RUFY4: variants seen among roughly 807,000 people sequenced by gnomAD.
RUFY4 encodes RUN and FYVE domain containing 4, also known as RUN and FYVE domain-containing protein 4.
A neutral mutation model predicts 69.0 loss-of-function variants in RUFY4; 73 were observed. That is an observed-to-expected ratio of 1.06 (90% CI 0.88 to 1.29). The LOEUF is 1.29. RUFY4 is among the 50% of genes most tolerant of loss of function. The probability of loss-of-function intolerance (pLI) is 0.00; values close to 1 mark genes in which losing one functional copy is unlikely to be tolerated. For missense variants in RUFY4, 770 were observed against 705.6 expected, an observed-to-expected ratio of 1.09 and a Z score of -1.03; for synonymous variants, 287 against 271.8, an observed-to-expected ratio of 1.06 and a Z score of -0.55.
exon 11 of RUFY4, chr2:218,090,504 G>A (rs1292830140): frequency 1.2e-5 from 2 of 170,056 alleles, no homozygotes; most frequent in Non-Finnish European, 2.6e-5. Context: ...CAGCTTCAGG[G>A]ATCTGTGTTT....
chr2:218,077,214 C>G (rs899460764), intron 8 of RUFY4, among the ~76,000 whole-genome samples: 22 of 150,712 alleles, frequency 1.5e-4, no homozygotes, highest in Admixed American at 1.3e-3. Context: ...GGCAGCATGT[C>G]GAGTGCCTGC....
chr2:218,039,578 A>G (rs533436919), intron 2 of RUFY4, among the ~76,000 whole-genome samples: 54 of 152,350 alleles, frequency 3.5e-4, no homozygotes, highest in African/African-American at 1.3e-3. Flanking sequence ...ATAATGGAGA[A>G]TTGATGAAGG....
At chr2:218,061,194 A>C in intron 3 of RUFY4, 1 of 400,212 alleles carries the variant, frequency 2.5e-6, no homozygotes. Context: ...GACTCAGCTG[A>C]ATAAGATGAC....
chr2:218,042,701 G>A (rs1411595901), intron 2 of RUFY4, among the ~76,000 whole-genome samples: 1 of 151,304 alleles, frequency 6.6e-6, no homozygotes, highest in Non-Finnish European at 1.5e-5. Flanking sequence ...TTTTTCTGAA[G>A]TTAAATCATC....
Position 218,041,344 on chromosome 2 carries a change from G to A in RUFY4, c.-1158+5950G>A, listed in dbSNP as rs547311480. ...TAATGTCTAACTAGGATTTGGATTT[G>A]GATTGTATAGAATCTGTAGATCAAG... is the stretch of plus-strand genomic sequence containing the variant. On this transcript the variant is annotated intron_variant and NMD_transcript_variant, in intron 2 of 13. Coordinates refer to the RUFY4 transcript ENST00000457754. 2.6e-5 allele frequency among the ~76,000 whole-genome samples: 4 copies of A among 152,234 alleles called. No individual in the cohort carries two copies. The South Asian group carries it at 8.3e-4, about 32-fold the overall frequency.
chr2:218,075,158 C>G (rs777408755), exon 7 of RUFY4: 1 of 1,555,594 alleles, frequency 6.4e-7, no homozygotes, highest in Non-Finnish European at 8.7e-7. Context: ...GTCAAGCCAT[C>G]TGTCTGCAAG....
chr2:218,037,422 T>G (rs4674240), intron 2 of RUFY4, among the ~76,000 whole-genome samples: 84,850 of 152,100 alleles, frequency 0.56, 25,707 homozygotes, highest in East Asian at 0.79. Context: ...TCTCTCTACA[T>G]TCACTCTCAT....
At chr2:218,065,576 T>A (rs1574504489), upstream of RUFY4, 2 of 152,436 alleles carry the variant, frequency 1.3e-5, no homozygotes, top group South Asian at 4.1e-4. Flanking sequence ...ACAGGAGTGG[T>A]GGCTGGTGGT....
intron 9 of RUFY4, among the ~76,000 whole-genome samples, chr2:218,085,102 G>A (rs910084563): frequency 2.6e-5 from 4 of 152,128 alleles, no homozygotes; most frequent in South Asian, 4.2e-4. Flanking sequence ...AAAACAAAAC[G>A]TATATATCCC....
intron 3 of RUFY4, chr2:218,061,406 T>G (rs980435178): frequency 4.5e-6 from 1 of 222,148 alleles, no homozygotes; most frequent in Non-Finnish European, 9.1e-6. Context: ...AGCCAAAATT[T>G]TCCATTTTTG....
chr2:218,083,965 C>T (rs1460405443), intron 9 of RUFY4, among the ~76,000 whole-genome samples: 1 of 152,066 alleles, frequency 6.6e-6, no homozygotes, highest in African/African-American at 2.4e-5. Context: ...CTACACCTGC[C>T]TGCCCACGGG....
At chr2:218,048,319 T>C (rs1217976856) in intron 2 of RUFY4, among the ~76,000 whole-genome samples, 1 of 152,224 alleles carries the variant, frequency 6.6e-6, no homozygotes, top group East Asian at 1.9e-4. Context: ...AAGTTTTTTA[T>C]AGATGCTGGA....
intron 3 of RUFY4, chr2:218,061,347 T>C (rs1430158195): frequency 4.2e-6 from 1 of 240,518 alleles, no homozygotes; most frequent in Admixed American, 5.1e-5. Context: ...GCTGAAACTG[T>C]AATTACTAAA....
At chr2:218,090,143 C>T (rs1689998815) in exon 11 of RUFY4, 3 of 729,784 alleles carry the variant, frequency 4.1e-6, no homozygotes, top group East Asian at 8.8e-5. Context: ...TCCCAGCCCT[C>T]TTGTTTGTCC....
chr2:218,085,925 T>C (rs2106074210), intron 9 of RUFY4, among the ~76,000 whole-genome samples: 1 of 152,092 alleles, frequency 6.6e-6, no homozygotes, highest in Non-Finnish European at 1.5e-5. Context: ...TTCTTACACA[T>C]AAAATGACAA....
At chr2:218,049,344 A>G (rs1688894285) in intron 2 of RUFY4, among the ~76,000 whole-genome samples, 1 of 152,112 alleles carries the variant, frequency 6.6e-6, no homozygotes, top group Non-Finnish European at 1.5e-5. Context: ...TCTTTGAAGG[A>G]TAATTTTGCT....
chr2:218,079,122 G>C (rs1461266872), intron 8 of RUFY4, among the ~76,000 whole-genome samples: 1 of 152,194 alleles, frequency 6.6e-6, no homozygotes, highest in East Asian at 1.9e-4. Flanking sequence ...ACCCACCTTA[G>C]CCTCCCAAAG....
chr2:218,041,541 A>AG (rs1688696452), intron 2 of RUFY4, among the ~76,000 whole-genome samples: 1 of 151,954 alleles, frequency 6.6e-6, no homozygotes, highest in Non-Finnish European at 1.5e-5. Flanking sequence ...AGCTCCACTG[A>AG]GGGAATGCAA....
chr2:218,057,768 G>C (rs567535239), intron 2 of RUFY4, among the ~76,000 whole-genome samples: 9 of 152,182 alleles, frequency 5.9e-5, no homozygotes, highest in African/African-American at 2.2e-4. Flanking sequence ...AAACATTTTA[G>C]GCAAATGGAA....
Sources: allele counts gnomAD v4.1 joint callset (sites outside exome capture counted in the v4.1 genomes callset), GRCh38; gene constraint gnomAD v4.1.1; transcripts MANE v1.5; gene names NCBI Gene and HGNC (gene_info 2026-07-23, HGNC 2026-07-21).